Variants in DDX19B observed in about 807,000 individuals in gnomAD.
The protein encoded by DDX19B is DEAD-box helicase 19B.
A neutral mutation model predicts 58.1 loss-of-function variants in DDX19B; 27 were observed. The ratio of observed to expected loss-of-function variants is 0.46; its 90% CI spans 0.34 to 0.64. The LOEUF is 0.64. Among genes scored for constraint, DDX19B ranks in the 30% least tolerant of loss-of-function variants. The pLI is 0.01. For missense variants in DDX19B, 399 were observed against 596.5 expected (o/e 0.67, Z 3.45); for synonymous variants, 187 against 214.4 (o/e 0.87, Z 1.12).
At chr16:70,320,322 G>A (rs1597486630) in intron 5 of DDX19B, among the ~76,000 whole-genome samples, 1 of 150,716 alleles carries the variant, frequency 6.6e-6, no homozygotes, top group Admixed American at 6.6e-5. Flanking sequence ...TGCCCAGACT[G>A]GTCTTAATCT....
At chr16:70,296,923 T>C (rs1961245143), upstream of DDX19B, among the ~76,000 whole-genome samples, 1 of 152,132 alleles carries the variant, frequency 6.6e-6, no homozygotes, top group East Asian at 1.9e-4. Flanking sequence ...TTTTTATTTA[T>C]GTATTTATTT....
chr16:70,320,617 G>A (rs1404408201), intron 5 of DDX19B, among the ~76,000 whole-genome samples: 1 of 150,630 alleles, frequency 6.6e-6, no homozygotes, highest in Non-Finnish European at 1.5e-5. Flanking sequence ...GCGTGATCTT[G>A]GCTCACTGTA....
chr16:70,297,108 G>A (rs1167268910), upstream of DDX19B, among the ~76,000 whole-genome samples: 1 of 152,060 alleles, frequency 6.6e-6, no homozygotes, highest in Admixed American at 6.6e-5. Flanking sequence ...TAGAGACAGG[G>A]TTTCACCATG....
Position 70,333,965 on chromosome 16 carries a change from G to A in DDX19B, c.*383G>A. On this transcript the variant is annotated 3_prime_UTR_variant, in exon 12 of 12. Coordinates refer to ENST00000288071, the MANE Select transcript of DDX19B (RefSeq NM_007242.7). ...GGATGGGGCAGCCTCCAGCTCCTGT[G>A]GAAGTAATGGAATAGTGGTGGAAAG... 3.4e-6 allele frequency: 1 copy of A among 295,774 alleles called. No homozygotes were observed. The highest frequency in any genetic ancestry group is 3.7e-5 in the South Asian group (1 of 27,178). 18.3% of individuals were successfully genotyped at this position (295,774 alleles called of 1,614,324 possible). A position where few individuals can be genotyped will look rare whatever the true frequency, so the allele number is the denominator to read the frequency against.
intron 1 of DDX19B, among the ~76,000 whole-genome samples, chr16:70,305,924 C>A (rs1426206490): frequency 6.6e-6 from 1 of 151,866 alleles, no homozygotes; most frequent in Non-Finnish European, 1.5e-5. Flanking sequence ...CCATGCCCAG[C>A]TAATTTTTTT....
Position 70,316,179 on chromosome 16 carries a change from T to C in DDX19B, c.296+75T>C, listed in dbSNP as rs1200192352. On this transcript the variant is annotated intron_variant, in intron 4 of 11. Transcript: ENST00000288071. ...ATCCTAGGTCTGTTATAGATATCTT[T>C]TGACCACAACAGAGCAGTTTTAGCT... 4 of 1,583,384 alleles carry C rather than the reference T, an allele frequency of 2.5e-6. No homozygotes were observed. In the East Asian group the frequency reaches 9.0e-5, roughly 35 times the overall value.
intron 9 of DDX19B, among the ~76,000 whole-genome samples, chr16:70,330,456 T>C (rs2152214433): frequency 6.6e-6 from 1 of 152,056 alleles, no homozygotes; most frequent in Non-Finnish European, 1.5e-5. Context: ...TGCGTGGTGG[T>C]GTGCACCTGT....
chr16:70,302,957 A>C (rs1961556879), intron 1 of DDX19B, among the ~76,000 whole-genome samples: 1 of 152,134 alleles, frequency 6.6e-6, no homozygotes, highest in Non-Finnish European at 1.5e-5. Flanking sequence ...TTGTGGTTTT[A>C]ACTTATATAT....
At chr16:70,327,745 A>G (rs1445244525) in intron 7 of DDX19B, among the ~76,000 whole-genome samples, 1 of 152,162 alleles carries the variant, frequency 6.6e-6, no homozygotes, top group African/African-American at 2.4e-5. Flanking sequence ...GCAGAATAAA[A>G]ACCCAGAATG....
At chr16:70,293,131 A>G (rs182681783), upstream of DDX19B, among the ~76,000 whole-genome samples, 150 of 151,910 alleles carry the variant, frequency 9.9e-4, no homozygotes, top group African/African-American at 3.5e-3. Context: ...CAACAAACAG[A>G]AACAGGCCGG....
intron 6 of DDX19B, 105 bp from the exon 7 acceptor site, chr16:70,325,469 C>T (rs900191593): frequency 1.3e-6 from 1 of 744,946 alleles, no homozygotes; most frequent in Non-Finnish European, 2.3e-6. Flanking sequence ...TGTACATATT[C>T]TTTCCTTCAG....
intron 8 of DDX19B, 142 bp from the exon 9 acceptor site, chr16:70,329,689 C>G (rs567676895): frequency 1.6e-6 from 2 of 1,286,896 alleles, no homozygotes; most frequent in Non-Finnish European, 2.2e-6. Flanking sequence ...CTGTCCCCAT[C>G]CCAGGCCTGC....
chr16:70,290,516 A>C (rs546937218), upstream of DDX19B, among the ~76,000 whole-genome samples: 3 of 151,308 alleles, frequency 2.0e-5, no homozygotes, highest in South Asian at 6.3e-4. Context: ...ACGGAGCAAG[A>C]CTCCGTCTCA....
chr16:70,300,764 A>C (rs1567621803), intron 1 of DDX19B, among the ~76,000 whole-genome samples: 1 of 152,164 alleles, frequency 6.6e-6, no homozygotes, highest in African/African-American at 2.4e-5. Flanking sequence ...TGCTGGGCTC[A>C]AGCCATCCTC....
chr16:70,321,447 T>TC (rs1204027598), intron 5 of DDX19B, among the ~76,000 whole-genome samples: 1 of 152,174 alleles, frequency 6.6e-6, no homozygotes, highest in East Asian at 1.9e-4. Flanking sequence ...ATTGACAGTA[T>TC]TAGAAGAGAC....
Position 70,333,645 on chromosome 16 carries a change from C to G in DDX19B, c.*63C>G, listed in dbSNP as rs148606610. On this transcript the variant is annotated 3_prime_UTR_variant, in exon 12 of 12. Coordinates refer to ENST00000288071, the MANE Select transcript of DDX19B (RefSeq NM_007242.7). The stretch of plus-strand genomic sequence containing the variant: ...CCCCTGCACAGGAGACAAGTGCGTT[C>G]AGGGCACAGGCCCCGACATCACCCC... 530 of 1,612,336 alleles carry G rather than the reference C, an allele frequency of 3.3e-4. 9 individuals are homozygous for G. The East Asian group carries it at 0.01, about 31-fold the overall frequency.
intron 2 of DDX19B, among the ~76,000 whole-genome samples, chr16:70,314,365 G>C (rs948343133): frequency 6.6e-6 from 1 of 151,686 alleles, no homozygotes; most frequent in African/African-American, 2.4e-5. Flanking sequence ...GAATAGGAAA[G>C]AATATGAGCA....
At chr16:70,330,667 T>C (rs1233624635) in intron 9 of DDX19B, among the ~76,000 whole-genome samples, 3 of 152,146 alleles carry the variant, frequency 2.0e-5, no homozygotes, top group Non-Finnish European at 4.4e-5. Context: ...TAGTCCCAGC[T>C]ACTCAAGAGG....
At chr16:70,321,408 T>C (rs932444702) in intron 5 of DDX19B, among the ~76,000 whole-genome samples, 6 of 152,184 alleles carry the variant, frequency 3.9e-5, no homozygotes, top group South Asian at 2.1e-4. Context: ...GCATGAGCCA[T>C]TGGGCCTAGC....
Sources: gnomAD v4.1 joint callset for allele counts (sites outside exome capture counted in the v4.1 genomes callset) on GRCh38, gnomAD v4.1.1 for gene constraint, MANE v1.5 for transcripts, NCBI Gene and HGNC (gene_info 2026-07-23, HGNC 2026-07-21) for gene names.